The following CACNA1C variants were observed in gnomAD, a reference collection of about 807,000 sequenced individuals.
The protein encoded by CACNA1C is calcium voltage-gated channel subunit alpha1 C, also known as voltage-dependent L-type calcium channel subunit alpha-1C.
Under a neutral mutation model 229.0 loss-of-function variants are expected in CACNA1C, and 30 were observed. That is an observed-to-expected ratio of 0.13 (90% confidence interval 0.10 to 0.18). The LOEUF (loss-of-function observed/expected upper bound fraction) is 0.18, where lower values mean the gene tolerates loss of function less well. Among genes scored for constraint, CACNA1C ranks in the 10% least tolerant of loss-of-function variants. The pLI is 1.00. For synonymous variants in CACNA1C, 1,114 were observed against 1,132.5 expected (o/e 0.98, Z 0.33); for missense variants, 1,658 against 2,845.0 (o/e 0.58, Z 9.49).
intron 1 of CACNA1C, among the ~76,000 whole-genome samples, chr12:2,080,081 T>C (rs1384245523): frequency 6.6e-6 from 1 of 151,836 alleles, no homozygotes; most frequent in Middle Eastern, 3.2e-3. Context: ...GCCAACATGG[T>C]GAAACCTTGT....
chr12:2,089,282 G>T (rs1283213360), intron 1 of CACNA1C, among the ~76,000 whole-genome samples: 1 of 152,200 alleles, frequency 6.6e-6, no homozygotes, highest in African/African-American at 2.4e-5. Flanking sequence ...ATTGATGTGG[G>T]GGCGAGTGGT....
rs1023469151 is a variant in CACNA1C, at chr12:2,630,343, G to A, written c.3829-3954G>A. ...GCAACCGAGGGGGCGGGCAAAAACAGAGAGAAGAGAGATGAGACAGCATCA... is the reference window on the plus strand; with the variant it reads ...GCAACCGAGGGGGCGGGCAAAAACAAAGAGAAGAGAGATGAGACAGCATCA... On this transcript the variant is annotated intron_variant, in intron 29 of 46. Transcript: ENST00000399655. This position sits in a 1 kb window ranked among gnomAD's most constrained non-coding sequence, Gnocchi z 5.4. Among the ~76,000 whole-genome samples, 8 of 152,124 alleles carry A rather than the reference G, an allele frequency of 5.3e-5. No homozygotes were observed. Among genetic ancestry groups the A allele is most frequent in the Admixed American group, 2.0e-4 (3 of 15,276 alleles).
chr12:2,483,178 G>A (rs144938718), intron 5 of CACNA1C, among the ~76,000 whole-genome samples: 7 of 152,344 alleles, frequency 4.6e-5, no homozygotes, highest in African/African-American at 1.4e-4. Context: ...GGGATTGGAG[G>A]CACGAAGCCA....
intron 3 of CACNA1C, among the ~76,000 whole-genome samples, chr12:2,244,736 C>T (rs945961338): frequency 6.6e-6 from 1 of 152,210 alleles, no homozygotes; most frequent in Non-Finnish European, 1.5e-5. Context: ...TGGACTCCCC[C>T]TGCAAGAATT....
At chr12:1,986,589 G>A (rs563762200) in intron 1 of CACNA1C, among the ~76,000 whole-genome samples, 2 of 152,238 alleles carry the variant, frequency 1.3e-5, no homozygotes, top group South Asian at 2.1e-4. Context: ...CTTCACGGTA[G>A]GGGTAGAAGA....
chr12:2,012,344 C>T (rs1239291790), intron 1 of CACNA1C, among the ~76,000 whole-genome samples: 1 of 152,192 alleles, frequency 6.6e-6, no homozygotes, highest in Admixed American at 6.5e-5. Flanking sequence ...CTAAATCTGG[C>T]CCTCTGCCTG....
At chr12:2,349,760 A>T (rs916707070) in intron 3 of CACNA1C, among the ~76,000 whole-genome samples, 15 of 152,120 alleles carry the variant, frequency 9.9e-5, no homozygotes, top group Non-Finnish European at 1.8e-4. Flanking sequence ...CAGAATGGGG[A>T]TAGGATGGTT....
At chr12:1,979,766 T>A (rs1391216443) in intron 1 of CACNA1C, among the ~76,000 whole-genome samples, 1 of 152,252 alleles carries the variant, frequency 6.6e-6, no homozygotes, top group East Asian at 1.9e-4. Context: ...TTGCTCCACA[T>A]CCTCATTAAC....
In CACNA1C at chr12:2,243,985, A is replaced by G. The variant is rs77511752; in HGVS notation, c.477+123555A>G. 9.6e-3 allele frequency among the ~76,000 whole-genome samples: 1,457 copies of G among 152,360 alleles called. 14 individuals carry two copies. The highest frequency in any genetic ancestry group is 0.033 in the African/African-American group (1,378 of 41,580). On this transcript the variant is annotated intron_variant, in intron 3 of 46. Coordinates refer to ENST00000399655, the MANE Select transcript of CACNA1C (RefSeq NM_000719.7). ...TTAAACTTCAGGCCAACTATGTACA[A>G]CTATGGATATAGAACTGAGTTATGA...
rs545956756 is a variant in CACNA1C at position 2,630,917 on chromosome 12, G to A, written c.3829-3380G>A. ...CCAATCCAGTGAGAGCCAGCGTGGA[G>A]CCATGGGAGGAGGGGGCTCCCATGG... On this transcript the variant is annotated intron_variant, in intron 29 of 46. Coordinates refer to ENST00000399655, the MANE Select transcript of CACNA1C (RefSeq NM_000719.7). The surrounding 1 kb of genome is among the most constrained non-coding windows in gnomAD (Gnocchi z 5.4). Among the ~76,000 whole-genome samples, 3 of 152,134 alleles carry A rather than the reference G, an allele frequency of 2.0e-5. No homozygotes were observed. Among genetic ancestry groups the A allele is most frequent in the African/African-American group, 4.8e-5 (2 of 41,504 alleles).
At chr12:2,323,516 G>A (rs939029679) in intron 3 of CACNA1C, among the ~76,000 whole-genome samples, 7 of 152,074 alleles carry the variant, frequency 4.6e-5, no homozygotes, top group Non-Finnish European at 7.4e-5. Flanking sequence ...CATAGGAGGC[G>A]GGATCTTCAG....
At chr12:2,658,287 C>T (rs1342127041) in intron 34 of CACNA1C, among the ~76,000 whole-genome samples, 3 of 152,140 alleles carry the variant, frequency 2.0e-5, no homozygotes, top group African/African-American at 7.2e-5. Context: ...AAAAACCCCT[C>T]CAAAATCTAC....
intron 3 of CACNA1C, among the ~76,000 whole-genome samples, chr12:2,415,655 C>T (rs2098878191): frequency 6.6e-6 from 1 of 152,184 alleles, no homozygotes; most frequent in Non-Finnish European, 1.5e-5. Context: ...AGAGGTCGGA[C>T]AGTGGTGACC....
intron 3 of CACNA1C, among the ~76,000 whole-genome samples, chr12:2,177,163 C>T (rs1446826752): frequency 1.3e-5 from 2 of 152,168 alleles, no homozygotes; most frequent in Non-Finnish European, 2.9e-5. Context: ...AGCATCTCTC[C>T]TTGCCTGTAA....
At chr12:2,257,403 G>A (rs909731544) in intron 3 of CACNA1C, among the ~76,000 whole-genome samples, 1 of 152,184 alleles carries the variant, frequency 6.6e-6, no homozygotes, top group Non-Finnish European at 1.5e-5. Context: ...ATGGAGGACC[G>A]AGAGGGGATG....
chr12:2,499,457 GCC>G (rs2099754025), intron 7 of CACNA1C, among the ~76,000 whole-genome samples: 6 of 152,210 alleles, frequency 3.9e-5, no homozygotes, highest in African/African-American at 1.4e-4. Context: ...TGGGGAGTTG[GCC>G]TCGAGGAGAG....
chr12:2,488,104 G>A lies in CACNA1C; in HGVS notation c.916+1842G>A, dbSNP rs569792730. ...AGCGAAATGGTAGAATTCAGCCATC[G>A]AGCCAAAGATGGCGGCCCTGCTGTG... On this transcript the variant is annotated intron_variant, in intron 6 of 46. Transcript: ENST00000399655. The surrounding 1 kb of genome is among the most constrained non-coding windows in gnomAD (Gnocchi z 4.0). Among the ~76,000 whole-genome samples, 37 of 152,304 alleles carry A rather than the reference G, an allele frequency of 2.4e-4. No homozygotes were observed. The highest frequency in any genetic ancestry group is 8.2e-4 in the African/African-American group (34 of 41,564).
At chr12:2,622,320 G>T (rs1016242659) in intron 29 of CACNA1C, among the ~76,000 whole-genome samples, 2 of 152,156 alleles carry the variant, frequency 1.3e-5, no homozygotes, top group Non-Finnish European at 2.9e-5. Context: ...GACTTCCTCT[G>T]ACTGTCCTTG....
intron 13 of CACNA1C, among the ~76,000 whole-genome samples, chr12:2,579,653 T>C (rs2059825716): frequency 6.6e-6 from 1 of 152,100 alleles, no homozygotes; most frequent in Non-Finnish European, 1.5e-5. Flanking sequence ...CAAACATAGC[T>C]CACTGCAGCC....
Sources: allele counts gnomAD v4.1 joint callset (sites outside exome capture counted in the v4.1 genomes callset), GRCh38; gene constraint gnomAD v4.1.1; non-coding constraint Gnocchi (gnomAD v3.1); transcripts MANE v1.5; gene names NCBI Gene and HGNC (gene_info 2026-07-23, HGNC 2026-07-21).